The following GPHN variants were observed in gnomAD, a reference collection of about 807,000 sequenced individuals.
GPHN encodes the protein gephyrin.
GPHN carries 17 observed loss-of-function variants against 95.5 expected under a neutral mutation model. The ratio of observed to expected loss-of-function variants is 0.18; its 90% CI spans 0.12 to 0.27. The LOEUF is 0.27. Ranked by LOEUF, GPHN falls within the 10% of genes least tolerant of loss-of-function variation. GPHN has a pLI of 1.00. For synonymous variants in GPHN, 320 were observed against 322.5 expected, an observed-to-expected ratio of 0.99 and a Z score of 0.08; for missense variants, 660 against 978.1, an observed-to-expected ratio of 0.67 and a Z score of 4.34.
chr14:67,490,611 T>C, the GPHN span, among the ~76,000 whole-genome samples: 1 of 152,200 alleles, frequency 6.6e-6, no homozygotes, highest in African/African-American at 2.4e-5. Context: ...TTCTCTCCTT[T>C]CCTATAACTA....
chr14:67,380,856 A>G, the GPHN span: 2 of 588,886 alleles, frequency 3.4e-6, no homozygotes, highest in Non-Finnish European at 5.4e-6. Context: ...ATGTTGCTAC[A>G]TCAACATCTA....
chr14:67,439,289 T>C, the GPHN span, among the ~76,000 whole-genome samples: 8 of 152,240 alleles, frequency 5.3e-5, no homozygotes, highest in Non-Finnish European at 4.4e-5. Flanking sequence ...GTATCAGGAA[T>C]GGGCTCATTT....
intron 11 of GPHN, among the ~76,000 whole-genome samples, chr14:67,077,828 C>G (rs1166644337): frequency 1.3e-5 from 2 of 152,130 alleles, no homozygotes; most frequent in Non-Finnish European, 2.9e-5. Context: ...TCTTGCAGCA[C>G]AAGTAAGCAT....
chr14:66,663,692 G>C (rs185886818), intron 1 of GPHN, among the ~76,000 whole-genome samples: 2 of 152,292 alleles, frequency 1.3e-5, no homozygotes, highest in Non-Finnish European at 2.9e-5. Context: ...AGAGTGGCCA[G>C]CTGGATAAAG....
chr14:67,591,112 T>C, the GPHN span, among the ~76,000 whole-genome samples: 70 of 152,228 alleles, frequency 4.6e-4, no homozygotes, highest in African/African-American at 1.7e-3. Flanking sequence ...TACAAATACA[T>C]AATATTCAGA....
chr14:67,574,249 CTG>C, the GPHN span: 3 of 1,602,802 alleles, frequency 1.9e-6, no homozygotes, highest in Non-Finnish European at 2.6e-6. The surrounding 1 kb of genome is among the most constrained non-coding windows in gnomAD (Gnocchi z 4.2). Context: ...CAGCTCATCT[CTG>C]AGAAGAAAAC....
chr14:67,441,108 AT>A, the GPHN span, among the ~76,000 whole-genome samples: 1 of 152,312 alleles, frequency 6.6e-6, no homozygotes, highest in East Asian at 1.9e-4. Context: ...AGAATGCAAC[AT>A]TTAGATGAAC....
intron 20 of GPHN, 29 bp downstream of exon 20, chr14:67,165,255 T>C (rs1450209051): frequency 6.5e-7 from 1 of 1,541,496 alleles, no homozygotes; most frequent in Non-Finnish European, 9.0e-7. Context: ...TTCCTTTCCT[T>C]TTTCTGGAAA....
chr14:66,724,356 C>G (rs1169700257), intron 2 of GPHN, among the ~76,000 whole-genome samples: 1 of 152,132 alleles, frequency 6.6e-6, no homozygotes, highest in Admixed American at 6.5e-5. Context: ...AAACTTCAGA[C>G]AAGTGACTAA....
At chr14:66,720,554 G>A (rs2153427417) in intron 2 of GPHN, among the ~76,000 whole-genome samples, 1 of 152,182 alleles carries the variant, frequency 6.6e-6, no homozygotes, top group East Asian at 1.9e-4. Context: ...GTTTTTCCAG[G>A]GGGCCTTATT....
the GPHN span, chr14:67,557,497 G>T: frequency 5.0e-6 from 7 of 1,388,482 alleles, no homozygotes; most frequent in Non-Finnish European, 7.0e-6. Context: ...GAGCTGTTCC[G>T]CTCAAGCCCT....
chr14:66,611,313 G>T (rs2062772505), intron 1 of GPHN, among the ~76,000 whole-genome samples: 1 of 152,074 alleles, frequency 6.6e-6, no homozygotes. Flanking sequence ...CAAGGCCAAG[G>T]CCATTGGTAG....
chr14:66,750,446 A>T (rs1878667573), intron 2 of GPHN, among the ~76,000 whole-genome samples: 1 of 151,912 alleles, frequency 6.6e-6, no homozygotes, highest in Non-Finnish European at 1.5e-5. Context: ...TAAGGAAAGG[A>T]CCAGGACACC....
downstream of GPHN, among the ~76,000 whole-genome samples, chr14:67,182,695 A>C (rs903981965): frequency 6.6e-6 from 1 of 152,200 alleles, no homozygotes; most frequent in Admixed American, 6.5e-5. Context: ...GGGAGATAAC[A>C]AAATGCAAGC....
At chr14:66,988,869 T>G (rs1039777214) in intron 9 of GPHN, among the ~76,000 whole-genome samples, 5 of 152,066 alleles carry the variant, frequency 3.3e-5, no homozygotes. Flanking sequence ...CCAAGAAAGT[T>G]CCTGTGAATC....
At chr14:67,350,509 G>C in the GPHN span, 4 of 955,002 alleles carry the variant, frequency 4.2e-6, no homozygotes, top group Middle Eastern at 6.6e-4. Flanking sequence ...TATATCATTT[G>C]TCCTTAACGC....
the GPHN span, among the ~76,000 whole-genome samples, chr14:67,290,361 A>G: frequency 6.6e-6 from 1 of 152,204 alleles, no homozygotes; most frequent in Non-Finnish European, 1.5e-5. Context: ...AAATAAAGAC[A>G]GACTCTGATA....
the GPHN span, among the ~76,000 whole-genome samples, chr14:67,254,939 A>G: frequency 6.6e-6 from 1 of 152,216 alleles, no homozygotes; most frequent in African/African-American, 2.4e-5. Flanking sequence ...TCACGAGGTC[A>G]AGAGATTGAG....
intron 11 of GPHN, among the ~76,000 whole-genome samples, chr14:67,068,820 G>A (rs1464935453): frequency 6.6e-6 from 1 of 152,174 alleles, no homozygotes; most frequent in Admixed American, 6.5e-5. Flanking sequence ...ACAGCACAAA[G>A]GCACATGTTC....
Sources: allele counts gnomAD v4.1 joint callset (sites outside exome capture counted in the v4.1 genomes callset), GRCh38; gene constraint gnomAD v4.1.1; non-coding constraint Gnocchi (gnomAD v3.1); transcripts MANE v1.5; gene names NCBI Gene and HGNC (gene_info 2026-07-23, HGNC 2026-07-21).